The following NHEJ1 variants were observed in gnomAD, a reference collection of about 807,000 sequenced individuals.
The protein encoded by NHEJ1 is non-homologous end joining factor 1.
A neutral mutation model predicts 39.4 loss-of-function variants in NHEJ1; 22 were observed. The ratio of observed to expected loss-of-function variants is 0.56; its 90% CI spans 0.40 to 0.80. The LOEUF (loss-of-function observed/expected upper bound fraction) is 0.80, where lower values mean the gene tolerates loss of function less well. Among genes scored for constraint, NHEJ1 ranks in the 30% least tolerant of loss-of-function variants. The pLI is 0.00. For missense variants in NHEJ1, 329 were observed against 357.1 expected, an observed-to-expected ratio of 0.92 and a Z score of 0.63; for synonymous variants, 154 against 135.6, an observed-to-expected ratio of 1.14 and a Z score of -0.94.
rs549551369 is a variant in NHEJ1, at chr2:219,095,739, G to A, written c.589-17533C>T. Among the ~76,000 whole-genome samples, 4 of 152,254 alleles carry A rather than the reference G, an allele frequency of 2.6e-5. No individual in the cohort carries two copies. The South Asian group carries it at 6.2e-4, about 24-fold the overall frequency. ...ATGCAATCAGAGAGCTAAGGGGCAG[G>A]TTTCAAAGTACACAGGAAATTCAAA... On this transcript the variant is annotated intron_variant, in intron 5 of 7. Transcript: ENST00000356853.
At chr2:219,156,963 G>T (rs780165755) in intron 3 of NHEJ1, among the ~76,000 whole-genome samples, 1 of 152,192 alleles carries the variant, frequency 6.6e-6, no homozygotes, top group Admixed American at 6.5e-5. Context: ...CAGTCATGAA[G>T]TTCCCGAACT....
At chr2:219,141,010 A>G (rs1223068593) in intron 5 of NHEJ1, among the ~76,000 whole-genome samples, 1 of 152,210 alleles carries the variant, frequency 6.6e-6, no homozygotes, top group African/African-American at 2.4e-5. Context: ...CTCTGACAAA[A>G]CTACAAATTC....
intron 3 of NHEJ1, among the ~76,000 whole-genome samples, chr2:219,152,176 A>G (rs1414666522): frequency 6.6e-6 from 1 of 152,198 alleles, no homozygotes; most frequent in Non-Finnish European, 1.5e-5. Flanking sequence ...GGCCTCTGCC[A>G]TCAAAGAGCT....
chr2:219,146,496 C>T (rs1222754983), intron 5 of NHEJ1, among the ~76,000 whole-genome samples, 184 bp downstream of exon 5: 4 of 152,120 alleles, frequency 2.6e-5, no homozygotes, highest in East Asian at 1.9e-4. Context: ...GTTCTTTCCC[C>T]GTTTTTTCCC....
chr2:219,075,871 A>C lies in NHEJ1; in HGVS notation c.*510T>G, dbSNP rs1032954185. The C allele has an allele frequency of 1.9e-5, 3 of 160,420 alleles. No homozygotes were observed. The highest frequency in any genetic ancestry group is 7.2e-5 in the African/African-American group (3 of 41,632). The allele number at this position is 160,420 out of a possible 1,614,324, so 9.9% of individuals were successfully genotyped here. A position where few individuals can be genotyped will look rare whatever the true frequency, so the allele number is the denominator to read the frequency against. On this transcript the variant is annotated 3_prime_UTR_variant, in exon 8 of 8. Transcript: ENST00000356853. ...GTTTACGAAGAATCTGAAGGACCAG[A>C]CTGATGGCTAGACTTCATCCAGAGA... is the stretch of plus-strand genomic sequence containing the variant.
At chr2:219,148,867 G>A (rs1404567409) in intron 3 of NHEJ1, among the ~76,000 whole-genome samples, 1 of 151,300 alleles carries the variant, frequency 6.6e-6, no homozygotes, top group Non-Finnish European at 1.5e-5. Context: ...ATAAGCCAAC[G>A]CACTCTACAC....
At chr2:219,092,507 G>A (rs1443615552) in intron 5 of NHEJ1, among the ~76,000 whole-genome samples, 3 of 152,106 alleles carry the variant, frequency 2.0e-5, no homozygotes, top group African/African-American at 7.2e-5. Context: ...AAAATGATAC[G>A]AAAGTATCTG....
In NHEJ1 at chr2:219,106,068, G is replaced by C. The variant is rs1274709029; in HGVS notation, c.589-27862C>G. Among the ~76,000 whole-genome samples, 6 of 152,280 alleles carry C rather than the reference G, an allele frequency of 3.9e-5. No homozygotes were observed. In the South Asian group the frequency reaches 1.2e-3, roughly 32 times the overall value. ...TTAATAAGGCACCAGCATATACTAAGTGCTCACTAAACGTTCATTCCATGA... is the reference window on the plus strand; with the variant it reads ...TTAATAAGGCACCAGCATATACTAACTGCTCACTAAACGTTCATTCCATGA... On this transcript the variant is annotated intron_variant, in intron 5 of 7. Coordinates refer to ENST00000356853, the MANE Select transcript of NHEJ1 (RefSeq NM_024782.3).
chr2:219,093,071 A>C (rs565445637), intron 5 of NHEJ1, among the ~76,000 whole-genome samples: 1 of 152,228 alleles, frequency 6.6e-6, no homozygotes, highest in Non-Finnish European at 1.5e-5. Context: ...ATATGTGTGT[A>C]TATTAACAGC....
intron 5 of NHEJ1, among the ~76,000 whole-genome samples, chr2:219,141,577 C>T (rs1949692649): frequency 6.6e-6 from 1 of 151,836 alleles, no homozygotes; most frequent in Admixed American, 6.6e-5. Context: ...GGTATAATTC[C>T]CCAAGATAAG....
chr2:219,100,167 G>A (rs1348949290), intron 5 of NHEJ1, among the ~76,000 whole-genome samples: 1 of 152,156 alleles, frequency 6.6e-6, no homozygotes, highest in Non-Finnish European at 1.5e-5. Flanking sequence ...CCAACCCTAG[G>A]CTAGAACTAG....
In NHEJ1 at chr2:219,072,048, G is replaced by A. The variant is rs535919287; in HGVS notation, c.*4333C>T. 1.3e-5 allele frequency among the ~76,000 whole-genome samples: 2 copies of A among 152,328 alleles called. 1 individual carries two copies. The highest frequency in any genetic ancestry group is 4.1e-4 in the South Asian group (2 of 4,824). On this transcript the variant is annotated 3_prime_UTR_variant, in exon 8 of 8. Transcript: ENST00000356853. ...CTCAGAAGATGGGATGAAAGATCAA[G>A]AAAGATGGACTTCTAGATGTTCAAA...
intron 7 of NHEJ1, among the ~76,000 whole-genome samples, chr2:219,076,864 G>A (rs883045): frequency 0.58 from 88,162 of 152,028 alleles, 26,721 homozygotes; most frequent in Non-Finnish European, 0.67. Flanking sequence ...TTCAGGAAGT[G>A]TCTGACATAG....
chr2:219,110,163 C>A (rs1225870799), intron 5 of NHEJ1, among the ~76,000 whole-genome samples: 1 of 152,040 alleles, frequency 6.6e-6, no homozygotes, highest in Non-Finnish European at 1.5e-5. Context: ...AACACACAGA[C>A]AAAAATCCCT....
At chr2:219,082,345 A>T (rs1949074898) in intron 5 of NHEJ1, among the ~76,000 whole-genome samples, 1 of 152,134 alleles carries the variant, frequency 6.6e-6, no homozygotes, top group South Asian at 2.1e-4. Context: ...CTTGGTTCTG[A>T]GGGTCCAACC....
intron 5 of NHEJ1, among the ~76,000 whole-genome samples, chr2:219,087,988 C>A (rs1949126927): frequency 6.6e-6 from 1 of 152,130 alleles, no homozygotes; most frequent in Non-Finnish European, 1.5e-5. Context: ...TAAAAATGTA[C>A]AGAATCTCAT....
chr2:219,072,619 C>T lies in NHEJ1; in HGVS notation c.*3762G>A, dbSNP rs747934231. On this transcript the variant is annotated 3_prime_UTR_variant, in exon 8 of 8. Transcript: ENST00000356853. Reference sequence around the variant, plus strand: ...TTTCTGAGTTAGGGTTAAAACTGACCCTGTTCTCAAAGAGTATAACCTAAT... The same window carrying T: ...TTTCTGAGTTAGGGTTAAAACTGACTCTGTTCTCAAAGAGTATAACCTAAT... Among the ~76,000 whole-genome samples the T allele has an allele frequency of 1.4e-5, 2 of 147,710 alleles. No individual in the cohort carries two copies. The highest frequency in any genetic ancestry group is 6.6e-5 in the Admixed American group (1 of 15,072).
chr2:219,136,567 G>C (rs1949630527), intron 5 of NHEJ1, among the ~76,000 whole-genome samples: 1 of 150,024 alleles, frequency 6.7e-6, no homozygotes, highest in African/African-American at 2.5e-5. Flanking sequence ...GGGATTATAG[G>C]CGTGAGCCAC....
intron 5 of NHEJ1, among the ~76,000 whole-genome samples, chr2:219,121,658 T>C (rs1307713078): frequency 1.3e-5 from 2 of 151,812 alleles, no homozygotes; most frequent in Admixed American, 6.6e-5. Flanking sequence ...CTGGGCAACA[T>C]GGTGAAACCC....
Sources: allele counts gnomAD v4.1 joint callset (sites outside exome capture counted in the v4.1 genomes callset), GRCh38; gene constraint gnomAD v4.1.1; transcripts MANE v1.5; gene names NCBI Gene and HGNC (gene_info 2026-07-23, HGNC 2026-07-21).